The following PLXNA4 variants were observed in gnomAD, a reference collection of about 807,000 sequenced individuals.
PLXNA4 encodes plexin A4.
Under a neutral mutation model 191.8 loss-of-function variants are expected in PLXNA4, and 44 were observed. That is an observed-to-expected ratio of 0.23 (90% CI 0.18 to 0.29). PLXNA4 has a LOEUF of 0.29. Ranked by LOEUF, PLXNA4 falls within the 10% of genes least tolerant of loss-of-function variation. The probability of loss-of-function intolerance (pLI) is 1.00; values close to 1 mark genes in which losing one functional copy is unlikely to be tolerated. For missense variants in PLXNA4, 1,800 were observed against 2,488.8 expected (o/e 0.72, Z 5.89); for synonymous variants, 1,082 against 1,009.5 (o/e 1.07, Z -1.36).
chr7:132,532,527 G>T (rs1799660195), intron 1 of PLXNA4, among the ~76,000 whole-genome samples: 1 of 152,136 alleles, frequency 6.6e-6, no homozygotes, highest in Admixed American at 6.5e-5. Flanking sequence ...GAAAAAATAT[G>T]ACATCATACC....
At chr7:132,165,662 C>A (rs2116653707) in intron 22 of PLXNA4, among the ~76,000 whole-genome samples, 1 of 151,726 alleles carries the variant, frequency 6.6e-6, no homozygotes, top group South Asian at 2.1e-4. Context: ...TCATAGCTAT[C>A]CTATTAGATA....
At chr7:132,516,025 A>T (rs985288352) in intron 1 of PLXNA4, among the ~76,000 whole-genome samples, 1 of 152,216 alleles carries the variant, frequency 6.6e-6, no homozygotes, top group African/African-American at 2.4e-5. Context: ...ACGTGAATGA[A>T]TGAATGAATG....
chr7:132,141,047 A>C (rs1795253188), intron 29 of PLXNA4, among the ~76,000 whole-genome samples: 1 of 152,178 alleles, frequency 6.6e-6, no homozygotes, highest in African/African-American at 2.4e-5. Context: ...CCAGAGATAT[A>C]ATGTTGGTAG....
intron 5 of PLXNA4, 121 bp from the exon 6 acceptor site, chr7:132,228,590 G>A: frequency 1.5e-6 from 2 of 1,298,720 alleles, no homozygotes; most frequent in East Asian, 2.5e-5. Context: ...TGCGCCCAGA[G>A]CTAACCTTTT....
chr7:132,293,874 C>G (rs766242486), intron 4 of PLXNA4, among the ~76,000 whole-genome samples: 3 of 152,158 alleles, frequency 2.0e-5, no homozygotes, highest in Non-Finnish European at 4.4e-5. Flanking sequence ...GTTATAGGAG[C>G]AACCAGAGCA....
intron 2 of PLXNA4, among the ~76,000 whole-genome samples, chr7:132,504,397 G>A (rs189487975): frequency 6.6e-5 from 10 of 152,306 alleles, no homozygotes; most frequent in East Asian, 3.9e-4. Flanking sequence ...GGAGTTTTGC[G>A]GATCCCGGCT....
intron 3 of PLXNA4, among the ~76,000 whole-genome samples, chr7:132,374,654 C>T (rs1804584272): frequency 6.6e-6 from 1 of 152,186 alleles, no homozygotes; most frequent in South Asian, 2.1e-4. Context: ...TTGTTGAACC[C>T]TCGAATGCTA....
intron 3 of PLXNA4, among the ~76,000 whole-genome samples, chr7:132,359,746 G>A (rs1234551419): frequency 6.6e-6 from 1 of 152,148 alleles, no homozygotes; most frequent in African/African-American, 2.4e-5. Flanking sequence ...GTGTCTACGT[G>A]TGTATGTCTG....
intron 1 of PLXNA4, among the ~76,000 whole-genome samples, chr7:132,558,196 T>C (rs1404001545): frequency 1.3e-5 from 2 of 152,222 alleles, no homozygotes. Flanking sequence ...GTAAAATTTG[T>C]TACCTGGTTA....
intron 2 of PLXNA4, among the ~76,000 whole-genome samples, chr7:132,603,023 A>G (rs1802850385): frequency 1.3e-5 from 2 of 152,210 alleles, no homozygotes; most frequent in African/African-American, 4.8e-5. Flanking sequence ...ATCAATTAAA[A>G]AATGAAAGAA....
rs755898295 is a variant in PLXNA4 at position 132,188,951 on chromosome 7, G to GAGGAA, written c.2857-1349_2857-1345dup. On this transcript the variant is annotated intron_variant, in intron 14 of 31. Coordinates refer to ENST00000321063, the MANE Select transcript of PLXNA4 (RefSeq NM_020911.2). Reference sequence around the variant, plus strand: ...AAGTATCCCCACCAACCTTCCCAGAGAGGAAAGGAAAGGAAAGGAAAGGAA... The same window carrying GAGGAA: ...AAGTATCCCCACCAACCTTCCCAGAGAGGAAAGGAAAGGAAAGGAAAGGAAAGGAA... Among the ~76,000 whole-genome samples, 144 of 50,036 alleles carry GAGGAA rather than the reference G, an allele frequency of 2.9e-3. 9 individuals are homozygous for GAGGAA. The highest frequency in any genetic ancestry group is 0.022 in the East Asian group (34 of 1,540). The allele number at this position is 50,036 out of a possible 152,430, so 32.8% of individuals were successfully genotyped here.
At chr7:132,156,524 G>T (rs1039438278) in intron 25 of PLXNA4, among the ~76,000 whole-genome samples, 1 of 152,204 alleles carries the variant, frequency 6.6e-6, no homozygotes, top group Non-Finnish European at 1.5e-5. Flanking sequence ...CGTGCCAGGG[G>T]CTGGGCATCA....
intron 3 of PLXNA4, among the ~76,000 whole-genome samples, chr7:132,378,547 GCTC>G (rs1434509334): frequency 6.6e-6 from 1 of 152,142 alleles, no homozygotes; most frequent in African/African-American, 2.4e-5. Flanking sequence ...GTTCTTATGA[GCTC>G]CTTATTCCCT....
chr7:132,448,801 G>A (rs1171938744), intron 3 of PLXNA4, among the ~76,000 whole-genome samples: 1 of 152,196 alleles, frequency 6.6e-6, no homozygotes, highest in Non-Finnish European at 1.5e-5. Flanking sequence ...CTGAACTATA[G>A]ACTGAATTCT....
At chr7:132,343,422 C>T (rs1803115961) in intron 3 of PLXNA4, among the ~76,000 whole-genome samples, 1 of 152,222 alleles carries the variant, frequency 6.6e-6, no homozygotes, top group Admixed American at 6.5e-5. Context: ...CCACAAGGTC[C>T]TGGCAATCAC....
intron 6 of PLXNA4, among the ~76,000 whole-genome samples, chr7:132,228,097 G>T (rs1261279422): frequency 2.0e-5 from 3 of 152,042 alleles, no homozygotes; most frequent in Non-Finnish European, 2.9e-5. Flanking sequence ...GTCATTTTTG[G>T]TGATGGTGCT....
At chr7:132,165,665 A>G (rs1226371287) in intron 22 of PLXNA4, among the ~76,000 whole-genome samples, 1 of 151,902 alleles carries the variant, frequency 6.6e-6, no homozygotes, top group Non-Finnish European at 1.5e-5. Context: ...TAGCTATCCT[A>G]TTAGATAGTA....
intron 18 of PLXNA4, 85 bp from the exon 19 acceptor site, chr7:132,180,817 T>A: frequency 6.5e-7 from 1 of 1,545,542 alleles, no homozygotes; most frequent in Non-Finnish European, 8.8e-7. Context: ...CACCTGGAGG[T>A]CCCATCCCGC....
intron 3 of PLXNA4, among the ~76,000 whole-genome samples, chr7:132,371,700 G>C (rs1471663585): frequency 6.6e-6 from 1 of 152,186 alleles, no homozygotes; most frequent in Non-Finnish European, 1.5e-5. Context: ...CCTTGAAAGG[G>C]ATGAATTAAA....
Sources: allele counts gnomAD v4.1 joint callset (sites outside exome capture counted in the v4.1 genomes callset), GRCh38; gene constraint gnomAD v4.1.1; transcripts MANE v1.5; gene names NCBI Gene and HGNC (gene_info 2026-07-23, HGNC 2026-07-21).